Variants in BCAR3 observed in about 807,000 individuals in gnomAD.
The protein encoded by BCAR3 is breast cancer anti-estrogen resistance protein 3.
Under a neutral mutation model 80.1 loss-of-function variants are expected in BCAR3, and 37 were observed. The ratio of observed to expected loss-of-function variants is 0.46; its 90% CI spans 0.36 to 0.61. The LOEUF (loss-of-function observed/expected upper bound fraction) is 0.61. Ranked by LOEUF, BCAR3 falls within the 20% of genes least tolerant of loss-of-function variation. BCAR3 has a pLI of 0.00. For synonymous variants in BCAR3, 389 were observed against 418.9 expected (o/e 0.93, Z 0.87); for missense variants, 978 against 1,068.2 (o/e 0.92, Z 1.18).
chr1:93,627,782 T>C (rs1283484174), intron 3 of BCAR3, among the ~76,000 whole-genome samples: 1 of 152,174 alleles, frequency 6.6e-6, no homozygotes, highest in East Asian at 1.9e-4. Context: ...CAAAAACTTT[T>C]TAGGGTCCTC....
intron 2 of BCAR3, among the ~76,000 whole-genome samples, chr1:93,643,283 G>A (rs190594890): frequency 6.6e-6 from 1 of 151,116 alleles, no homozygotes; most frequent in African/African-American, 2.4e-5. Context: ...CAGCATTTTG[G>A]GGGGGCCGAG....
At chr1:93,711,808 C>A (rs533411314) in intron 2 of BCAR3, among the ~76,000 whole-genome samples, 4 of 152,170 alleles carry the variant, frequency 2.6e-5, no homozygotes, top group Non-Finnish European at 5.9e-5. Flanking sequence ...GCTAAGGAAG[C>A]ACCTACAGAC....
intron 3 of BCAR3, among the ~76,000 whole-genome samples, chr1:93,594,136 G>A (rs969410635): frequency 9.2e-5 from 14 of 152,302 alleles, no homozygotes; most frequent in African/African-American, 3.1e-4. Context: ...CCACTAGACT[G>A]TAAGTTTCAT....
chr1:93,772,328 A>G (rs759641881), intron 2 of BCAR3, among the ~76,000 whole-genome samples: 2 of 152,184 alleles, frequency 1.3e-5, no homozygotes, highest in Non-Finnish European at 2.9e-5. Context: ...CCATGGCCAG[A>G]CCAGGGCACA....
At chr1:93,708,875 G>GT (rs1649917101) in intron 2 of BCAR3, among the ~76,000 whole-genome samples, 1 of 152,188 alleles carries the variant, frequency 6.6e-6, no homozygotes, top group Non-Finnish European at 1.5e-5. Flanking sequence ...TTGGCAGGCT[G>GT]TTTTATTTTT....
intron 2 of BCAR3, among the ~76,000 whole-genome samples, chr1:93,802,857 CTT>C (rs1653531819): frequency 6.6e-6 from 1 of 152,148 alleles, no homozygotes; most frequent in Non-Finnish European, 1.5e-5. Context: ...CTATTCCACT[CTT>C]TTTGTTTTTG....
chr1:93,839,136 A>C (rs147579465), intron 2 of BCAR3, among the ~76,000 whole-genome samples: 239 of 152,294 alleles, frequency 1.6e-3, no homozygotes, highest in African/African-American at 5.4e-3. Context: ...TCTACTAAAA[A>C]TATAAAATTA....
intron 2 of BCAR3, among the ~76,000 whole-genome samples, chr1:93,706,689 T>A (rs1409591398): frequency 2.0e-5 from 3 of 152,200 alleles, no homozygotes; most frequent in African/African-American, 7.2e-5. Flanking sequence ...TGAGTTAATA[T>A]CTATTTGGAG....
At chr1:93,736,248 C>T (rs750119038) in intron 2 of BCAR3, among the ~76,000 whole-genome samples, 9 of 152,170 alleles carry the variant, frequency 5.9e-5, no homozygotes, top group African/African-American at 9.7e-5. Context: ...AGTGCAATGG[C>T]GCGATCTCGG....
At position 93,562,421 on chromosome 1, in the gene BCAR3, TAATGA is replaced by T; in HGVS notation, c.2300-7_2300-3del. 1 of 1,612,626 alleles carries T rather than the reference TAATGA, an allele frequency of 6.2e-7. No individual in the cohort carries two copies. The highest frequency in any genetic ancestry group is 8.5e-7 in the Non-Finnish European group (1 of 1,179,240). On this transcript the variant is annotated splice_polypyrimidine_tract_variant and splice_region_variant and intron_variant, in intron 11 of 11. Transcript: ENST00000260502. ...TCATTTCTTCATCTGGTTGAAAACC[TAATGA>T]AACAAAATAAACAAAAAGTTACTTC...
intron 2 of BCAR3, among the ~76,000 whole-genome samples, chr1:93,821,062 C>T (rs965326968): frequency 6.6e-6 from 1 of 152,126 alleles, no homozygotes; most frequent in Admixed American, 6.5e-5. Flanking sequence ...TTTAGGAGCT[C>T]TGTGCTAGGA....
At chr1:93,690,041 G>A (rs1649138010) in intron 3 of BCAR3, among the ~76,000 whole-genome samples, 1 of 152,198 alleles carries the variant, frequency 6.6e-6, no homozygotes, top group Non-Finnish European at 1.5e-5. Context: ...TTTAATTATA[G>A]CACATCTATA....
At chr1:93,688,109 C>T (rs1649038348) in intron 3 of BCAR3, among the ~76,000 whole-genome samples, 1 of 152,230 alleles carries the variant, frequency 6.6e-6, no homozygotes, top group Non-Finnish European at 1.5e-5. Flanking sequence ...AACTTGGTGT[C>T]CAGTCTACTA....
chr1:93,754,402 T>C (rs1022002619), intron 2 of BCAR3: 4 of 152,154 alleles, frequency 2.6e-5, no homozygotes, highest in Non-Finnish European at 4.4e-5. Context: ...GAAATTATGG[T>C]TTTTAGTGGA....
intron 2 of BCAR3, among the ~76,000 whole-genome samples, chr1:93,644,914 A>T (rs1366403986): frequency 6.6e-6 from 1 of 152,184 alleles, no homozygotes; most frequent in Non-Finnish European, 1.5e-5. Context: ...AAGAATCCTA[A>T]TTCCAGTTCG....
chr1:93,628,538 A>T (rs181703492), intron 3 of BCAR3, among the ~76,000 whole-genome samples: 21 of 152,310 alleles, frequency 1.4e-4, no homozygotes, highest in Admixed American at 1.4e-3. Context: ...TCCATGGAAG[A>T]GGCGGACCCT....
chr1:93,569,115 C>A (rs1014073227), intron 9 of BCAR3, among the ~76,000 whole-genome samples: 1 of 152,314 alleles, frequency 6.6e-6, no homozygotes. Flanking sequence ...ACCCTAAAAC[C>A]GGCAAGGCTA....
At chr1:93,619,968 G>A (rs1044301200) in intron 3 of BCAR3, among the ~76,000 whole-genome samples, 1 of 152,222 alleles carries the variant, frequency 6.6e-6, no homozygotes, top group African/African-American at 2.4e-5. Flanking sequence ...GACTTACCAA[G>A]TTATTGTAAG....
chr1:93,818,495 G>A (rs553755079), intron 2 of BCAR3, among the ~76,000 whole-genome samples: 5 of 152,278 alleles, frequency 3.3e-5, no homozygotes, highest in East Asian at 1.9e-4. Flanking sequence ...TCTCCAGAGC[G>A]GAAGTGTCTG....
Sources: allele counts gnomAD v4.1 joint callset (sites outside exome capture counted in the v4.1 genomes callset), GRCh38; gene constraint gnomAD v4.1.1; transcripts MANE v1.5; gene names NCBI Gene and HGNC (gene_info 2026-07-23, HGNC 2026-07-21).